RHOJ: variants seen among roughly 807,000 people sequenced by gnomAD.
RHOJ encodes ras homolog family member J.
Under a neutral mutation model 23.4 loss-of-function variants are expected in RHOJ, and 11 were observed. The observed-to-expected ratio is 0.47, with a 90% CI of 0.30 to 0.78. The LOEUF (loss-of-function observed/expected upper bound fraction) is 0.78. RHOJ is among the 30% of genes least tolerant of loss of function. The pLI is 0.08. For synonymous variants in RHOJ, 102 were observed against 102.7 expected (o/e 0.99, Z 0.04); for missense variants, 254 against 273.4 (o/e 0.93, Z 0.50).
At chr14:63,249,887 A>T (rs1472851384) in intron 1 of RHOJ, among the ~76,000 whole-genome samples, 1 of 152,354 alleles carries the variant, frequency 6.6e-6, no homozygotes, top group African/African-American at 2.4e-5. Flanking sequence ...TAGTAGAACC[A>T]CGTTAGAGAC....
chr14:63,241,023 G>A (rs1332358273), intron 1 of RHOJ, among the ~76,000 whole-genome samples: 3 of 152,192 alleles, frequency 2.0e-5, no homozygotes, highest in African/African-American at 7.2e-5. Context: ...AGAGAGCTCA[G>A]GAGAAACAGT....
chr14:63,257,835 G>A (rs1223803694), intron 1 of RHOJ, among the ~76,000 whole-genome samples: 1 of 149,364 alleles, frequency 6.7e-6, no homozygotes, highest in Non-Finnish European at 1.5e-5. Flanking sequence ...GGACAGAGGA[G>A]GGGAGGTGAT....
At chr14:63,274,496 T>G (rs772150057) in intron 2 of RHOJ, among the ~76,000 whole-genome samples, 1 of 152,072 alleles carries the variant, frequency 6.6e-6, no homozygotes, top group Non-Finnish European at 1.5e-5. Context: ...TTATTACTAC[T>G]CAGTTCAGAA....
At chr14:63,227,867 TTGCAGGAGCACCTTC>T (rs2139743993) in intron 1 of RHOJ, among the ~76,000 whole-genome samples, 1 of 152,354 alleles carries the variant, frequency 6.6e-6, no homozygotes, top group East Asian at 1.9e-4. Flanking sequence ...AGCCCCTCAT[TTGCAGGAGCACCTTC>T]CAAGGTTCTG....
At chr14:63,240,564 T>C (rs1894866045) in intron 1 of RHOJ, among the ~76,000 whole-genome samples, 1 of 152,138 alleles carries the variant, frequency 6.6e-6, no homozygotes, top group Non-Finnish European at 1.5e-5. Context: ...AAATAGATAC[T>C]GGAATATTTA....
chr14:63,205,290 T>G (rs1453031054), intron 1 of RHOJ, among the ~76,000 whole-genome samples: 1 of 152,194 alleles, frequency 6.6e-6, no homozygotes, highest in Non-Finnish European at 1.5e-5. Context: ...TACTCTGACG[T>G]GCCCTCTAGA....
intron 4 of RHOJ, chr14:63,288,459 C>T: frequency 2.5e-6 from 1 of 394,864 alleles, no homozygotes; most frequent in Non-Finnish European, 3.4e-6. Flanking sequence ...CACCACGTTA[C>T]AGTCAAGTCA....
chr14:63,250,568 T>G (rs1283589927), intron 1 of RHOJ, among the ~76,000 whole-genome samples: 2 of 152,122 alleles, frequency 1.3e-5, no homozygotes, highest in African/African-American at 4.8e-5. Flanking sequence ...AGGACCTCTG[T>G]ATGTGTTTTT....
chr14:63,253,200 A>C (rs554521103), intron 1 of RHOJ, among the ~76,000 whole-genome samples: 2 of 152,360 alleles, frequency 1.3e-5, no homozygotes, highest in African/African-American at 4.8e-5. Context: ...TGTCATTTGC[A>C]CATGCCAACT....
At position 63,222,209 on chromosome 14, in the gene RHOJ, T is replaced by C. The variant is rs185550840; in HGVS notation, c.178+17162T>C. ...ATGGTGTATATGTACCACATTTTCTTAATCTAGTCTATCATTGATGGACAT... is the reference window on the plus strand; with the variant it reads ...ATGGTGTATATGTACCACATTTTCTCAATCTAGTCTATCATTGATGGACAT... On this transcript the variant is annotated intron_variant, in intron 1 of 4. Transcript: ENST00000316754. Among the ~76,000 whole-genome samples, 160 of 152,214 alleles carry C rather than the reference T, an allele frequency of 1.1e-3. 1 individual carries two copies. The highest frequency in any genetic ancestry group is 3.7e-3 in the African/African-American group (152 of 41,498).
At chr14:63,207,167 G>A (rs894009577) in intron 1 of RHOJ, among the ~76,000 whole-genome samples, 2 of 151,970 alleles carry the variant, frequency 1.3e-5, no homozygotes, top group South Asian at 2.1e-4. Context: ...GAGTAGCTGG[G>A]ACTACAGGCG....
chr14:63,234,844 A>G (rs1368373093), intron 1 of RHOJ, among the ~76,000 whole-genome samples: 2 of 152,224 alleles, frequency 1.3e-5, no homozygotes, highest in African/African-American at 2.4e-5. Context: ...TTTAACCACA[A>G]TTTATTTGGT....
chr14:63,237,999 A>C (rs1405121227), intron 1 of RHOJ, among the ~76,000 whole-genome samples: 1 of 152,184 alleles, frequency 6.6e-6, no homozygotes, highest in East Asian at 1.9e-4. Flanking sequence ...CAAGCTTCAG[A>C]CCATATTCAC....
Position 63,204,749 on chromosome 14 carries a change from G to T in RHOJ, c.-121G>T. On this transcript the variant is annotated 5_prime_UTR_variant, in exon 1 of 5. In the 5' UTR this introduces an upstream ATG that the reference lacks. Coordinates refer to ENST00000316754, the MANE Select transcript of RHOJ (RefSeq NM_020663.5). ...CCTCGGACATGTCTGTATGATCCAA[G>T]GTACCCAAAGTCAGACAGAGTAAAC... is the stretch of plus-strand genomic sequence containing the variant. 1 of 955,336 alleles carries T rather than the reference G, an allele frequency of 1.0e-6. No individual in the cohort carries two copies. The highest frequency in any genetic ancestry group is 1.6e-6 in the Non-Finnish European group (1 of 624,050). 59.2% of individuals were successfully genotyped at this position (955,336 alleles called of 1,614,324 possible). A position where few individuals can be genotyped will look rare whatever the true frequency, so the allele number is the denominator to read the frequency against.
intron 1 of RHOJ, 33 bp from the exon 2 acceptor site, chr14:63,269,077 T>G: frequency 6.6e-7 from 1 of 1,522,266 alleles, no homozygotes; most frequent in East Asian, 2.3e-5. Context: ...GTTTATGGAC[T>G]CTCCTCTTCT....
Position 63,218,544 on chromosome 14 carries a change from A to T in RHOJ, c.178+13497A>T, listed in dbSNP as rs369981764. Among the ~76,000 whole-genome samples, 16 of 152,300 alleles carry T rather than the reference A, an allele frequency of 1.1e-4. No individual in the cohort carries two copies. The East Asian group carries it at 1.9e-3, about 18-fold the overall frequency. Reference sequence around the variant, plus strand: ...TTTACTAAGATTTAGTATGCAGTATATTCCACCTCATCTTAAGTTATTCTT... The same window carrying T: ...TTTACTAAGATTTAGTATGCAGTATTTTCCACCTCATCTTAAGTTATTCTT... On this transcript the variant is annotated intron_variant, in intron 1 of 4. Coordinates refer to ENST00000316754, the MANE Select transcript of RHOJ (RefSeq NM_020663.5).
chr14:63,278,837 T>C (rs1406235631), intron 2 of RHOJ, among the ~76,000 whole-genome samples: 6 of 151,748 alleles, frequency 4.0e-5, no homozygotes, highest in African/African-American at 9.7e-5. Flanking sequence ...AAAATAAAAA[T>C]TGGCTGGGTG....
intron 1 of RHOJ, among the ~76,000 whole-genome samples, chr14:63,223,099 G>A (rs1894528232): frequency 6.6e-6 from 1 of 152,184 alleles, no homozygotes; most frequent in Non-Finnish European, 1.5e-5. Context: ...CCTTGAGTTT[G>A]TTTTTCACAG....
rs1894380981 is a variant in RHOJ at position 63,217,211 on chromosome 14, A to G, written c.178+12164A>G. On this transcript the variant is annotated intron_variant, in intron 1 of 4. Transcript: ENST00000316754. Reference sequence around the variant, plus strand: ...ACTAACTCGTCATCTAGCATTAGGTATATCTCCCAATGCTATCCCTCCCCG... The same window carrying G: ...ACTAACTCGTCATCTAGCATTAGGTGTATCTCCCAATGCTATCCCTCCCCG... Among the ~76,000 whole-genome samples the G allele has an allele frequency of 8.0e-5, 12 of 149,508 alleles. No individual in the cohort carries two copies. In the South Asian group the frequency reaches 2.7e-3, roughly 33 times the overall value.
Sources: allele counts gnomAD v4.1 joint callset (sites outside exome capture counted in the v4.1 genomes callset), GRCh38; gene constraint gnomAD v4.1.1; transcripts MANE v1.5; gene names NCBI Gene and HGNC (gene_info 2026-07-23, HGNC 2026-07-21).